CDK17: variants seen among roughly 807,000 people sequenced by gnomAD.
CDK17 encodes the protein cyclin-dependent kinase 17.
In CDK17, 24 loss-of-function variants were observed where a neutral mutation model predicts 77.6. That is an observed-to-expected ratio of 0.31 (90% CI 0.22 to 0.44). The LOEUF is 0.44. Among genes scored for constraint, CDK17 ranks in the 20% least tolerant of loss-of-function variants. The pLI is 1.00. For synonymous variants in CDK17, 203 were observed against 210.4 expected (o/e 0.96, Z 0.30); for missense variants, 429 against 622.5 (o/e 0.69, Z 3.31).
chr12:96,313,165 C>T (rs1952666076), intron 4 of CDK17, among the ~76,000 whole-genome samples, 156 bp downstream of exon 4: 1 of 152,210 alleles, frequency 6.6e-6, no homozygotes. Context: ...TATTCACAGA[C>T]TGCAATTTAT....
At chr12:96,307,736 T>C (rs1292669399) in intron 5 of CDK17, among the ~76,000 whole-genome samples, 1 of 152,002 alleles carries the variant, frequency 6.6e-6, no homozygotes, top group African/African-American at 2.4e-5. Flanking sequence ...CCAGGCATGG[T>C]GGCACATGCC....
At chr12:96,375,097 T>C (rs1041592775) in intron 1 of CDK17, among the ~76,000 whole-genome samples, 2 of 152,160 alleles carry the variant, frequency 1.3e-5, no homozygotes, top group Admixed American at 6.5e-5. Context: ...TCCACAATTA[T>C]ATGATGACCC....
intron 2 of CDK17, among the ~76,000 whole-genome samples, chr12:96,330,786 T>C (rs2137136705): frequency 6.6e-6 from 1 of 152,360 alleles, no homozygotes; most frequent in Admixed American, 6.5e-5. Flanking sequence ...CCTTAGCTGT[T>C]GTGAATAGTG....
At chr12:96,300,866 A>T (rs1177659645) in intron 5 of CDK17, among the ~76,000 whole-genome samples, 2 of 152,238 alleles carry the variant, frequency 1.3e-5, no homozygotes, top group Non-Finnish European at 1.5e-5. Context: ...AAAATATCAA[A>T]GTTCACAATC....
intron 1 of CDK17, among the ~76,000 whole-genome samples, chr12:96,343,132 T>C (rs1953146765): frequency 6.6e-6 from 1 of 152,174 alleles, no homozygotes; most frequent in Admixed American, 6.5e-5. Flanking sequence ...ACACTTGAGG[T>C]GTAAAATGTC....
intron 8 of CDK17, 43 bp downstream of exon 8, chr12:96,297,584 T>G: frequency 7.9e-7 from 1 of 1,267,738 alleles, no homozygotes; most frequent in Non-Finnish European, 1.1e-6. Flanking sequence ...TACTATGTTT[T>G]TCTAAAGTAA....
At position 96,286,113 on chromosome 12, in the gene CDK17, A is replaced by G. The variant is rs745489790; in HGVS notation, c.1252T>C (p.Ser418Pro). 12 of 1,467,812 alleles carry G rather than the reference A, an allele frequency of 8.2e-6. No homozygotes were observed. In the South Asian group the frequency reaches 1.7e-4, roughly 21 times the overall value. 90.9% of individuals were successfully genotyped at this position (1,467,812 alleles called of 1,614,324 possible). A position where few individuals can be genotyped will look rare whatever the true frequency, so the allele number is the denominator to read the frequency against. The change falls in exon 13 of 17, where the codon TCA becomes CCA. Residue 418 changes from serine to proline, a missense_variant. This residue lies in a region of CDK17 where 115 missense variants were observed against 124.2 expected (regional missense o/e 0.93). Coordinates refer to ENST00000261211, the MANE Select transcript of CDK17 (RefSeq NM_002595.5). ...TTGTAGTTCTTGAACTCCTCATTTGAAGAAATACCTGGCCAAGTTTCCTGA... is the reference window on the plus strand; with the variant it reads ...TTGTAGTTCTTGAACTCCTCATTTGGAGAAATACCTGGCCAAGTTTCCTGA... Reference protein sequence around the residue: ...PSQETWPGISSNEEFKNYNFP... With the variant: ...PSQETWPGISPNEEFKNYNFP...
intron 13 of CDK17, chr12:96,284,415 A>T (rs1381998382): frequency 6.7e-6 from 1 of 148,290 alleles, no homozygotes; most frequent in Non-Finnish European, 1.5e-5. Flanking sequence ...GACCTGAGAT[A>T]GCACCACTGC....
chr12:96,287,557 A>G (rs1349940321), intron 11 of CDK17, among the ~76,000 whole-genome samples: 1 of 152,148 alleles, frequency 6.6e-6, no homozygotes, highest in Admixed American at 6.5e-5. Context: ...TCCTAGGTAT[A>G]TATCTAAAAG....
chr12:96,279,362 T>TTTAG lies in CDK17; in HGVS notation c.*879_*880insCTAA, dbSNP rs1952144136. Reference sequence around the variant, plus strand: ...ACTATTCCCCAATGAAATATCATCCTTTCTAATAAAATAAATGTATTTAAA... The same window carrying TTTAG: ...ACTATTCCCCAATGAAATATCATCCTTTAGTTCTAATAAAATAAATGTATTTAAA... On this transcript the variant is annotated 3_prime_UTR_variant, in exon 17 of 17. Coordinates refer to ENST00000261211, the MANE Select transcript of CDK17 (RefSeq NM_002595.5). 6.6e-6 allele frequency: 1 copy of TTTAG among 152,166 alleles called. No individual in the cohort carries two copies. The highest frequency in any genetic ancestry group is 1.5e-5 in the Non-Finnish European group (1 of 68,010). 9.4% of individuals were successfully genotyped at this position (152,166 alleles called of 1,614,324 possible).
intron 2 of CDK17, among the ~76,000 whole-genome samples, chr12:96,324,923 C>T (rs1211946135): frequency 1.3e-5 from 2 of 152,032 alleles, no homozygotes; most frequent in Non-Finnish European, 2.9e-5. Context: ...TACAGAGGCT[C>T]CAAGTTTATT....
chr12:96,358,576 C>T (rs1592751588), intron 1 of CDK17, among the ~76,000 whole-genome samples: 1 of 152,140 alleles, frequency 6.6e-6, no homozygotes, highest in East Asian at 1.9e-4. Context: ...AATCTCAGCA[C>T]TTTGGAAGGC....
chr12:96,338,771 GTT>G (rs34576077), intron 1 of CDK17, among the ~76,000 whole-genome samples: 28 of 146,564 alleles, frequency 1.9e-4, no homozygotes, highest in African/African-American at 3.7e-4. Flanking sequence ...AGCCACTAAG[GTT>G]TTTTTTTTTT....
intron 1 of CDK17, among the ~76,000 whole-genome samples, chr12:96,379,665 A>G (rs940716180): frequency 6.6e-6 from 1 of 152,132 alleles, no homozygotes; most frequent in Non-Finnish European, 1.5e-5. Flanking sequence ...CCTGGGCTCA[A>G]GCAATCCTTT....
intron 1 of CDK17, among the ~76,000 whole-genome samples, chr12:96,349,073 G>A (rs1419704509): frequency 2.0e-5 from 3 of 152,024 alleles, no homozygotes; most frequent in Non-Finnish European, 2.9e-5. Context: ...AATTGAATTC[G>A]GCAGCTTATT....
rs1197809272 is a variant in CDK17, at chr12:96,400,016, C to G, written c.-60G>C. 5 of 384,696 alleles carry G rather than the reference C, an allele frequency of 1.3e-5. No individual in the cohort carries two copies. The highest frequency in any genetic ancestry group is 2.3e-5 in the Non-Finnish European group (5 of 217,612). 23.8% of individuals were successfully genotyped at this position (384,696 alleles called of 1,614,324 possible). ...AGAGCGGGGACCGCGGGTCCCGAGG[C>G]GAGGCGAAGAGAGGCGCGGGGGGAA... On this transcript the variant is annotated 5_prime_UTR_variant, in exon 1 of 17. Transcript: ENST00000261211.
intron 11 of CDK17, among the ~76,000 whole-genome samples, chr12:96,287,055 GT>G (rs1952255934): frequency 6.6e-6 from 1 of 152,150 alleles, no homozygotes; most frequent in Non-Finnish European, 1.5e-5. Flanking sequence ...TGTTAGAAAT[GT>G]TTTTTAAGTG....
chr12:96,383,076 C>CA (rs1953912887), intron 1 of CDK17, among the ~76,000 whole-genome samples: 1 of 152,074 alleles, frequency 6.6e-6, no homozygotes, highest in East Asian at 1.9e-4. Context: ...GTTCAGGATA[C>CA]AAAATCAATG....
At chr12:96,357,486 G>A (rs937860336) in intron 1 of CDK17, among the ~76,000 whole-genome samples, 5 of 152,102 alleles carry the variant, frequency 3.3e-5, no homozygotes, top group African/African-American at 9.7e-5. Context: ...GGAGAGACGA[G>A]AAGGCAATTA....
Sources: allele counts gnomAD v4.1 joint callset (sites outside exome capture counted in the v4.1 genomes callset), GRCh38; gene constraint gnomAD v4.1.1; regional missense constraint gnomAD v4.1.1; transcripts MANE v1.5; gene names NCBI Gene and HGNC (gene_info 2026-07-23, HGNC 2026-07-21).